Variants in THADA observed in about 807,000 individuals in gnomAD.
THADA encodes the protein THADA armadillo repeat containing.
Under a neutral mutation model 219.8 loss-of-function variants are expected in THADA, and 213 were observed. The observed-to-expected ratio is 0.97, with a 90% CI of 0.87 to 1.09. The LOEUF is 1.09. Ranked by LOEUF, THADA falls within the 50% of genes least tolerant of loss-of-function variation. The probability of loss-of-function intolerance (pLI) is 0.00; values close to 1 mark genes in which losing one functional copy is unlikely to be tolerated. For synonymous variants in THADA, 1,018 were observed against 828.9 expected (o/e 1.23, Z -3.92); for missense variants, 2,956 against 2,311.3 (o/e 1.28, Z -5.72).
chr2:43,291,946 C>A, intron 33 of THADA, 158 bp downstream of exon 33: 1 of 753,248 alleles, frequency 1.3e-6, no homozygotes, highest in Non-Finnish European at 2.1e-6. Context: ...AAATCACTGA[C>A]ATCATTCTAT....
At position 43,580,784 on chromosome 2, in the gene THADA, G is replaced by A. The variant is rs372101152; in HGVS notation, c.721+957C>T. On this transcript the variant is annotated intron_variant, in intron 8 of 37. Transcript: ENST00000405975. Reference sequence around the variant, plus strand: ...AATCCCAGCTACTCGGGAGGCTGAGGCAAGAAAATCGCTTGAATCTGGGAG... The same window carrying A: ...AATCCCAGCTACTCGGGAGGCTGAGACAAGAAAATCGCTTGAATCTGGGAG... Among the ~76,000 whole-genome samples, 39 of 152,048 alleles carry A rather than the reference G, an allele frequency of 2.6e-4. No individual in the cohort carries two copies. The East Asian group carries it at 7.6e-3, about 30-fold the overall frequency.
At chr2:43,529,149 CT>C (rs201480981) in intron 21 of THADA, among the ~76,000 whole-genome samples, 11 of 151,036 alleles carry the variant, frequency 7.3e-5, no homozygotes, top group African/African-American at 1.2e-4. Context: ...ACAAATATGA[CT>C]TTTTTTAAAA....
chr2:43,476,714 C>T (rs1371458579), intron 26 of THADA, among the ~76,000 whole-genome samples: 2 of 152,154 alleles, frequency 1.3e-5, no homozygotes, highest in Non-Finnish European at 2.9e-5. Flanking sequence ...CCTGTCGGCA[C>T]TCTTCACCCA....
chr2:43,280,526 G>C (rs1220363948), intron 35 of THADA, among the ~76,000 whole-genome samples: 1 of 152,142 alleles, frequency 6.6e-6, no homozygotes, highest in Non-Finnish European at 1.5e-5. Context: ...CAGCTACTTG[G>C]GAGGCTGAGA....
intron 31 of THADA, among the ~76,000 whole-genome samples, chr2:43,304,163 AC>A (rs1307636895): frequency 1.3e-5 from 2 of 152,136 alleles, no homozygotes; most frequent in Non-Finnish European, 2.9e-5. Flanking sequence ...CTTCACTCTT[AC>A]GTCACTCATC....
chr2:43,523,604 T>A (rs1263199518), intron 22 of THADA, among the ~76,000 whole-genome samples: 1 of 152,214 alleles, frequency 6.6e-6, no homozygotes, highest in Non-Finnish European at 1.5e-5. Context: ...ATGGTAGCTA[T>A]AATTAACTGA....
At chr2:43,562,347 C>A (rs1221197758) in intron 15 of THADA, 1 of 152,236 alleles carries the variant, frequency 6.6e-6, no homozygotes, top group Non-Finnish European at 1.5e-5. Flanking sequence ...TGGGTTCAGG[C>A]AATTCTCCTG....
In THADA at chr2:43,383,470, G is replaced by C. The variant is rs550311978; in HGVS notation, c.4227+14501C>G. On this transcript the variant is annotated intron_variant, in intron 29 of 37. Coordinates refer to ENST00000405975, the MANE Select transcript of THADA (RefSeq NM_022065.5). ...TAATTAGCATCACACCCATCTCCCT[G>C]TTGGTCATGGAAACAAAGGCATAAC... Among the ~76,000 whole-genome samples the C allele has an allele frequency of 2.0e-5, 3 of 152,292 alleles. No homozygotes were observed. In the East Asian group the frequency reaches 5.8e-4, roughly 29 times the overall value.
At chr2:43,456,003 G>C (rs919454970) in intron 26 of THADA, among the ~76,000 whole-genome samples, 1 of 152,092 alleles carries the variant, frequency 6.6e-6, no homozygotes, top group Non-Finnish European at 1.5e-5. Context: ...CGAACTGCTC[G>C]ATTGCCAAAA....
intron 27 of THADA, among the ~76,000 whole-genome samples, chr2:43,429,728 GT>G (rs1318022966): frequency 5.3e-5 from 8 of 151,744 alleles, no homozygotes; most frequent in Non-Finnish European, 1.2e-4. Context: ...ATGGAATTAA[GT>G]TTGATAAAAT....
intron 21 of THADA, among the ~76,000 whole-genome samples, chr2:43,532,394 C>T (rs1367307080): frequency 1.8e-5 from 2 of 112,052 alleles, no homozygotes; most frequent in Non-Finnish European, 3.3e-5. Flanking sequence ...GCCTGGTCAA[C>T]AGAGTGAGAC....
Position 43,386,068 on chromosome 2 carries a change from T to G in THADA, c.4227+11903A>C, listed in dbSNP as rs1407737931. Among the ~76,000 whole-genome samples, 5 of 152,084 alleles carry G rather than the reference T, an allele frequency of 3.3e-5. No homozygotes were observed. The East Asian group carries it at 9.6e-4, about 29-fold the overall frequency. ...GGGCCCATCAGTAAAACATCTGATA[T>G]CTGATGCCCATACATACCTCAACAA... On this transcript the variant is annotated intron_variant, in intron 29 of 37. Transcript: ENST00000405975.
At chr2:43,560,191 T>C (rs372421863) in intron 16 of THADA, 43 bp downstream of exon 16, 90 of 1,542,058 alleles carry the variant, frequency 5.8e-5, no homozygotes, top group Non-Finnish European at 7.0e-5. Flanking sequence ...TGATAGAAAG[T>C]TTCCATGCAT....
At chr2:43,571,350 A>G (rs1020344826) in intron 13 of THADA, among the ~76,000 whole-genome samples, 1 of 150,968 alleles carries the variant, frequency 6.6e-6, no homozygotes, top group Non-Finnish European at 1.5e-5. Flanking sequence ...TCCTAGGTTC[A>G]AGCAATTCTC....
chr2:43,479,393 T>G (rs1271504642), intron 26 of THADA, among the ~76,000 whole-genome samples: 1 of 152,186 alleles, frequency 6.6e-6, no homozygotes, highest in East Asian at 1.9e-4. Flanking sequence ...AAAATGAGAA[T>G]GAGACTGGAT....
intron 29 of THADA, among the ~76,000 whole-genome samples, chr2:43,396,680 G>A (rs1387315173): frequency 1.3e-5 from 2 of 151,894 alleles, no homozygotes; most frequent in Non-Finnish European, 2.9e-5. Context: ...GGGGGGTGCA[G>A]GCTGCTTGTA....
At chr2:43,346,270 A>C (rs1267295790) in intron 29 of THADA, among the ~76,000 whole-genome samples, 1 of 152,228 alleles carries the variant, frequency 6.6e-6, no homozygotes, top group Non-Finnish European at 1.5e-5. Context: ...GAAAATAAAA[A>C]TATTTGAATA....
intron 29 of THADA, among the ~76,000 whole-genome samples, chr2:43,348,928 G>C (rs1391286632): frequency 6.6e-6 from 1 of 152,172 alleles, no homozygotes; most frequent in Non-Finnish European, 1.5e-5. Context: ...CTTACCCCTA[G>C]CTGTAATAGG....
chr2:43,369,342 G>C (rs1245028147), intron 29 of THADA, among the ~76,000 whole-genome samples: 1 of 152,156 alleles, frequency 6.6e-6, no homozygotes, highest in Non-Finnish European at 1.5e-5. Context: ...ATGAAATCCA[G>C]AACACCTTTT....
Sources: allele counts gnomAD v4.1 joint callset (sites outside exome capture counted in the v4.1 genomes callset), GRCh38; gene constraint gnomAD v4.1.1; transcripts MANE v1.5; gene names NCBI Gene and HGNC (gene_info 2026-07-23, HGNC 2026-07-21).